Variants in SIK3 observed in about 807,000 individuals in gnomAD.
SIK3 encodes the protein serine/threonine-protein kinase SIK3.
Under a neutral mutation model 144.2 loss-of-function variants are expected in SIK3, and 28 were observed. The ratio of observed to expected loss-of-function variants is 0.19; its 90% confidence interval spans 0.14 to 0.27. The LOEUF is 0.27. Ranked by LOEUF, SIK3 falls within the 10% of genes least tolerant of loss-of-function variation. The pLI is 1.00. For missense variants in SIK3, 1,319 were observed against 1,776.0 expected (o/e 0.74, Z 4.62); for synonymous variants, 686 against 676.3 (o/e 1.01, Z -0.22).
chr11:117,040,829 CTTTTT>C, intron 1 of SIK3, among the ~76,000 whole-genome samples: 1 of 151,658 alleles, frequency 6.6e-6, no homozygotes, highest in East Asian at 1.9e-4. Flanking sequence ...CTTTTCTTTT[CTTTTT>C]CATTGTATAT....
At chr11:117,008,057 CAG>C (rs1291180231) in intron 1 of SIK3, among the ~76,000 whole-genome samples, 2 of 102,290 alleles carry the variant, frequency 2.0e-5, no homozygotes, top group Admixed American at 3.3e-4. Flanking sequence ...GCCTGGGCAA[CAG>C]AGAGAGACTC....
rs545206828 is a variant in SIK3, at chr11:117,050,638, G to C, written c.273+47505C>G. On this transcript the variant is annotated intron_variant, in intron 1 of 24. Transcript: ENST00000445177. ...GGAGGCAGAGGTTGCAGTGAGCCGA[G>C]ATCACACCACTGCACTCCAGCCTGG... 4.0e-5 allele frequency among the ~76,000 whole-genome samples: 6 copies of C among 151,330 alleles called. No individual in the cohort carries two copies. In the South Asian group the frequency reaches 1.3e-3, roughly 32 times the overall value.
At chr11:116,979,616 G>A (rs191694296) in intron 1 of SIK3, among the ~76,000 whole-genome samples, 6 of 152,318 alleles carry the variant, frequency 3.9e-5, no homozygotes, top group Admixed American at 3.3e-4. Flanking sequence ...GGAGGCCAAG[G>A]TGGGCAGATC....
intron 3 of SIK3, among the ~76,000 whole-genome samples, chr11:116,953,644 C>T (rs1949034194): frequency 6.6e-6 from 1 of 152,188 alleles, no homozygotes; most frequent in South Asian, 2.1e-4. Flanking sequence ...GGAACGCACT[C>T]GGGTGAGATT....
intron 1 of SIK3, among the ~76,000 whole-genome samples, chr11:117,066,582 T>C (rs1045879439): frequency 7.3e-5 from 11 of 149,886 alleles, no homozygotes; most frequent in Non-Finnish European, 1.3e-4. Flanking sequence ...GTCACTCAAG[T>C]TGGAGTGCAA....
chr11:117,069,244 G>C (rs1454378452), intron 1 of SIK3, among the ~76,000 whole-genome samples: 3 of 150,290 alleles, frequency 2.0e-5, no homozygotes, highest in Non-Finnish European at 3.0e-5. Context: ...TATATAAGTA[G>C]AAAGAAATAA....
chr11:117,024,784 C>T (rs567361941), intron 1 of SIK3, among the ~76,000 whole-genome samples: 1 of 151,994 alleles, frequency 6.6e-6, no homozygotes, highest in African/African-American at 2.4e-5. Context: ...GCCTGTAGTC[C>T]CAGCTACTTA....
chr11:116,885,407 T>C (rs1208746871), intron 6 of SIK3, among the ~76,000 whole-genome samples: 1 of 152,236 alleles, frequency 6.6e-6, no homozygotes, highest in African/African-American at 2.4e-5. Context: ...TTTTTCTAGG[T>C]GGGCATGATG....
At chr11:117,037,993 T>C (rs1349376516) in intron 1 of SIK3, among the ~76,000 whole-genome samples, 3 of 152,238 alleles carry the variant, frequency 2.0e-5, no homozygotes, top group East Asian at 3.8e-4. Flanking sequence ...AGTTTTATAA[T>C]GCCTCTTTTT....
intron 1 of SIK3, among the ~76,000 whole-genome samples, chr11:116,988,277 T>C (rs931715643): frequency 5.3e-5 from 8 of 151,660 alleles, no homozygotes; most frequent in Non-Finnish European, 1.2e-4. Flanking sequence ...TCCCAGCTAC[T>C]AGGGAGGCTA....
At chr11:116,917,106 G>A (rs954415514) in intron 4 of SIK3, among the ~76,000 whole-genome samples, 2 of 151,834 alleles carry the variant, frequency 1.3e-5, no homozygotes, top group Non-Finnish European at 2.9e-5. Context: ...AGGTGCGTGC[G>A]ACCACACCTG....
chr11:117,029,209 TA>T (rs1952152051), intron 1 of SIK3, among the ~76,000 whole-genome samples: 1 of 152,082 alleles, frequency 6.6e-6, no homozygotes, highest in Non-Finnish European at 1.5e-5. Flanking sequence ...GTGCCCAGCC[TA>T]TCCCAGCACT....
At chr11:116,848,791 C>T (rs1942196535) in intron 22 of SIK3, among the ~76,000 whole-genome samples, 1 of 152,080 alleles carries the variant, frequency 6.6e-6, no homozygotes, top group African/African-American at 2.4e-5. Flanking sequence ...GGTAAAACCC[C>T]ATGCCTACTA....
At chr11:116,863,919 C>G in intron 15 of SIK3, 101 bp from the exon 16 acceptor site, 1 of 1,230,286 alleles carries the variant, frequency 8.1e-7, no homozygotes. Context: ...CGGCTGGCTG[C>G]CCAGGTAGCC....
Position 116,908,278 on chromosome 11 carries a change from C to T in SIK3, c.617-10961G>A, listed in dbSNP as rs188336377. ...ATTGCTTGAGCTCAGTAGTTTAAGACCAGCCTGGGCAAATACAGGGAGACC... is the reference window on the plus strand; with the variant it reads ...ATTGCTTGAGCTCAGTAGTTTAAGATCAGCCTGGGCAAATACAGGGAGACC... On this transcript the variant is annotated intron_variant, in intron 4 of 24. Coordinates refer to ENST00000445177, the MANE Select transcript of SIK3 (RefSeq NM_001366686.3). Among the ~76,000 whole-genome samples, 169 of 152,208 alleles carry T rather than the reference C, an allele frequency of 1.1e-3. 1 individual carries two copies. Among genetic ancestry groups the T allele is most frequent in the African/African-American group, 4.0e-3 (165 of 41,550 alleles).
At chr11:117,085,243 A>C (rs1954955270) in intron 1 of SIK3, among the ~76,000 whole-genome samples, 1 of 152,040 alleles carries the variant, frequency 6.6e-6, no homozygotes, top group Admixed American at 6.6e-5. Flanking sequence ...CAACCTCCCA[A>C]GTAGCTAGAA....
chr11:116,896,205 C>T (rs748361878), intron 6 of SIK3, 48 bp downstream of exon 6: 1 of 1,603,944 alleles, frequency 6.2e-7, no homozygotes, highest in South Asian at 1.1e-5. Context: ...CTGAGTGGGT[C>T]TAACTTTCAT....
chr11:116,979,484 T>C (rs1950065869), intron 1 of SIK3, among the ~76,000 whole-genome samples: 1 of 152,138 alleles, frequency 6.6e-6, no homozygotes. Flanking sequence ...ATCTATAACA[T>C]ATATGCAAAA....
intron 6 of SIK3, among the ~76,000 whole-genome samples, chr11:116,889,287 C>T (rs905101986): frequency 5.9e-5 from 9 of 152,152 alleles, no homozygotes; most frequent in African/African-American, 1.4e-4. Context: ...ATTTAGGTTG[C>T]GTATGCTGGC....
Sources: gnomAD v4.1 joint callset for allele counts (sites outside exome capture counted in the v4.1 genomes callset) on GRCh38, gnomAD v4.1.1 for gene constraint, MANE v1.5 for transcripts, NCBI Gene and HGNC (gene_info 2026-07-23, HGNC 2026-07-21) for gene names.